The following NTN4 variants were observed in gnomAD, a reference collection of about 807,000 sequenced individuals.
NTN4 encodes netrin 4.
In NTN4, 32 loss-of-function variants were observed where a neutral mutation model predicts 73.6. That is an observed-to-expected ratio of 0.44 (90% confidence interval 0.33 to 0.58). The LOEUF (loss-of-function observed/expected upper bound fraction) is 0.58, where lower values mean the gene tolerates loss of function less well. Among genes scored for constraint, NTN4 ranks in the 20% least tolerant of loss-of-function variants. The pLI is 0.04. For synonymous variants in NTN4, 258 were observed against 287.5 expected (o/e 0.90, Z 1.04); for missense variants, 654 against 798.3 (o/e 0.82, Z 2.18).
chr12:95,760,680 CT>C (rs11308260), intron 2 of NTN4, among the ~76,000 whole-genome samples: 45,109 of 130,534 alleles, frequency 0.35, 7,743 homozygotes, highest in African/African-American at 0.47. Context: ...ATTGTATCAT[CT>C]TTTTTTTTTT....
intron 2 of NTN4, among the ~76,000 whole-genome samples, chr12:95,770,381 C>T (rs143836990): frequency 2.2e-4 from 34 of 152,224 alleles, no homozygotes; most frequent in African/African-American, 7.9e-4. Context: ...AAGAGTTTTG[C>T]GCCCATTTGG....
At chr12:95,770,769 T>C (rs1282163605) in intron 2 of NTN4, among the ~76,000 whole-genome samples, 1 of 151,612 alleles carries the variant, frequency 6.6e-6, no homozygotes, top group Non-Finnish European at 1.5e-5. Flanking sequence ...TGACGTCATG[T>C]AGAAAGCACG....
At chr12:95,726,889 GAACCT>G (rs2078698841) in intron 3 of NTN4, among the ~76,000 whole-genome samples, 1 of 152,036 alleles carries the variant, frequency 6.6e-6, no homozygotes, top group South Asian at 2.1e-4. Context: ...AGAATGGCGT[GAACCT>G]GGGAGGCGGG....
upstream of NTN4, chr12:95,790,861 C>G: frequency 6.7e-6 from 1 of 150,250 alleles, no homozygotes; most frequent in African/African-American, 2.4e-5. This position sits in a 1 kb window ranked among gnomAD's most constrained non-coding sequence, Gnocchi z 6.5. Context: ...TCCTCCCGCC[C>G]GCCCCCCGCG....
chr12:95,706,881 G>A (rs2078525248), intron 5 of NTN4, among the ~76,000 whole-genome samples: 2 of 152,180 alleles, frequency 1.3e-5, no homozygotes, highest in South Asian at 2.1e-4. Context: ...TCACCTGGAG[G>A]GCTTGTGAAA....
At position 95,713,198 on chromosome 12, in the gene NTN4, G is replaced by A; in HGVS notation, c.991+14C>T. The A allele has an allele frequency of 1.2e-6, 2 of 1,608,314 alleles. No individual in the cohort carries two copies. The highest frequency in any genetic ancestry group is 1.7e-6 in the Non-Finnish European group (2 of 1,175,464). ...ACAAAGAAAGCTTTTGAGTATCGTG[G>A]GCTTGTTACTTACTTCTGCACTCGT... On this transcript the variant is annotated intron_variant, in intron 4 of 9. Coordinates refer to ENST00000343702, the MANE Select transcript of NTN4 (RefSeq NM_021229.4).
At chr12:95,747,704 T>C (rs1432836639) in intron 2 of NTN4, among the ~76,000 whole-genome samples, 2 of 152,154 alleles carry the variant, frequency 1.3e-5, no homozygotes, top group African/African-American at 2.4e-5. Flanking sequence ...ATAATGTTAC[T>C]GAATGAGTGA....
At chr12:95,762,998 T>C (rs1180294000) in intron 2 of NTN4, among the ~76,000 whole-genome samples, 1 of 152,190 alleles carries the variant, frequency 6.6e-6, no homozygotes, top group African/African-American at 2.4e-5. Context: ...CATTTTTGTT[T>C]TTAAATAATG....
At chr12:95,734,287 G>C (rs968282521) in intron 3 of NTN4, among the ~76,000 whole-genome samples, 7 of 152,118 alleles carry the variant, frequency 4.6e-5, no homozygotes, top group Non-Finnish European at 8.8e-5. Flanking sequence ...AACTGGCATA[G>C]TCTGTAAAGC....
intron 2 of NTN4, among the ~76,000 whole-genome samples, chr12:95,751,120 T>A (rs552328576): frequency 6.6e-6 from 1 of 152,158 alleles, no homozygotes; most frequent in African/African-American, 2.4e-5. Flanking sequence ...AAAATACATT[T>A]TATTACCCAA....
chr12:95,761,615 G>A (rs983383039), intron 2 of NTN4, among the ~76,000 whole-genome samples: 2 of 152,126 alleles, frequency 1.3e-5, no homozygotes, highest in Non-Finnish European at 2.9e-5. Context: ...TTACAGGCGT[G>A]AGCCACCGTG....
chr12:95,751,368 C>A (rs2078905829), intron 2 of NTN4, among the ~76,000 whole-genome samples: 1 of 152,162 alleles, frequency 6.6e-6, no homozygotes, highest in Admixed American at 6.5e-5. Context: ...CCAGCCACAT[C>A]TCCAGCACAC....
intron 7 of NTN4, chr12:95,671,248 C>T (rs2078227796): frequency 6.6e-6 from 1 of 152,392 alleles, no homozygotes; most frequent in South Asian, 2.1e-4. Flanking sequence ...ATCCACTAGC[C>T]TCGGCCTCCC....
chr12:95,741,843 C>T (rs756891667), intron 2 of NTN4, among the ~76,000 whole-genome samples: 54 of 151,854 alleles, frequency 3.6e-4, no homozygotes, highest in Non-Finnish European at 6.3e-4. Flanking sequence ...ACTGAAACCA[C>T]GGTAAGTGAA....
chr12:95,768,214 G>A (rs1252196273), intron 2 of NTN4, among the ~76,000 whole-genome samples: 1 of 152,148 alleles, frequency 6.6e-6, no homozygotes, highest in Non-Finnish European at 1.5e-5. Context: ...TGTGGTAAGT[G>A]CTATGACAGA....
At chr12:95,779,418 G>T (rs1592719227) in intron 2 of NTN4, among the ~76,000 whole-genome samples, 2 of 152,316 alleles carry the variant, frequency 1.3e-5, no homozygotes, top group South Asian at 2.1e-4. Flanking sequence ...CATTGTCTCA[G>T]CCCAAAACCT....
intron 2 of NTN4, among the ~76,000 whole-genome samples, chr12:95,779,544 C>G (rs1048883287): frequency 1.3e-5 from 2 of 152,136 alleles, no homozygotes; most frequent in Admixed American, 1.3e-4. Context: ...CATGAGTGAA[C>G]TCCCATTCAC....
At chr12:95,672,216 C>A in intron 7 of NTN4, 2 of 451,036 alleles carry the variant, frequency 4.4e-6, no homozygotes, top group Non-Finnish European at 7.7e-6. Flanking sequence ...GGGGGGCGGG[C>A]GGGGGGAGGG....
chr12:95,661,346 T>A (rs1307763597), intron 9 of NTN4, among the ~76,000 whole-genome samples: 1 of 152,146 alleles, frequency 6.6e-6, no homozygotes, highest in Non-Finnish European at 1.5e-5. Context: ...AGAAGAGAAT[T>A]CAAAAGAATT....
Sources: allele counts gnomAD v4.1 joint callset (sites outside exome capture counted in the v4.1 genomes callset), GRCh38; gene constraint gnomAD v4.1.1; non-coding constraint Gnocchi (gnomAD v3.1); transcripts MANE v1.5; gene names NCBI Gene and HGNC (gene_info 2026-07-23, HGNC 2026-07-21).